The following CILK1 variants were observed in gnomAD, a reference collection of about 807,000 sequenced individuals.
CILK1 encodes ciliogenesis associated kinase 1.
CILK1 carries 47 observed loss-of-function variants against 79.2 expected under a neutral mutation model. The ratio of observed to expected loss-of-function variants is 0.59; its 90% CI spans 0.47 to 0.76. The LOEUF is 0.76. Ranked by LOEUF, CILK1 falls within the 30% of genes least tolerant of loss-of-function variation. The pLI, the probability that CILK1 is intolerant of heterozygous loss-of-function variation, is 0.00. For synonymous variants in CILK1, 266 were observed against 275.9 expected, an observed-to-expected ratio of 0.96 and a Z score of 0.36; for missense variants, 660 against 769.5, an observed-to-expected ratio of 0.86 and a Z score of 1.68.
intron 5 of CILK1, among the ~76,000 whole-genome samples, chr6:53,029,955 C>T (rs1190999322): frequency 6.6e-6 from 1 of 152,164 alleles, no homozygotes; most frequent in Non-Finnish European, 1.5e-5. Context: ...GTGGATACGT[C>T]CATCTGGTGG....
chr6:53,052,829 T>C (rs985628109), intron 1 of CILK1, among the ~76,000 whole-genome samples: 4 of 152,074 alleles, frequency 2.6e-5, no homozygotes, highest in Non-Finnish European at 5.9e-5. Context: ...CCTGGGGTCC[T>C]TAGCCCTTCA....
chr6:53,043,845 C>T (rs1368200008), intron 1 of CILK1, among the ~76,000 whole-genome samples: 2 of 95,790 alleles, frequency 2.1e-5, no homozygotes, highest in Non-Finnish European at 4.4e-5. Flanking sequence ...AAGGAGAAAG[C>T]CCTCTTGGTT....
chr6:53,018,432 G>A lies in CILK1; in HGVS notation c.561C>T (p.Gly187=). 28 of 1,614,142 alleles carry A rather than the reference G, an allele frequency of 1.7e-5. No homozygotes were observed. The highest frequency in any genetic ancestry group is 2.3e-5 in the Non-Finnish European group (27 of 1,179,994). ...GGGTGTAAACTTCTGCCATGATGCAGCCCACCGCCCAGACGTCAATGGGGG... is the reference window on the plus strand; with the variant it reads ...GGGTGTAAACTTCTGCCATGATGCAACCCACCGCCCAGACGTCAATGGGGG... ...YSSPIDVWAV[G]CIMAEVYTLR... The change falls in exon 7 of 14, where the codon GGC becomes GGT. Residue 187 remains glycine (G), a synonymous_variant. Coordinates refer to ENST00000676107, the MANE Select transcript of CILK1 (RefSeq NM_014920.5).
chr6:53,038,146 T>C (rs1215135503), intron 2 of CILK1, among the ~76,000 whole-genome samples, 153 bp from the exon 3 acceptor site: 1 of 152,220 alleles, frequency 6.6e-6, no homozygotes, highest in African/African-American at 2.4e-5. Context: ...AACCAGCACT[T>C]ATTTTCAAAC....
chr6:53,040,139 A>G (rs551223001), intron 2 of CILK1, among the ~76,000 whole-genome samples: 4 of 152,314 alleles, frequency 2.6e-5, no homozygotes, highest in East Asian at 1.9e-4. Flanking sequence ...TGACAAGTCA[A>G]CTGGATAGAG....
Position 53,013,684 on chromosome 6 carries a change from A to G in CILK1, c.1130T>C (p.Leu377Pro), listed in dbSNP as rs1055508135. 6.2e-7 allele frequency: 1 copy of G among 1,613,936 alleles called. No individual in the cohort carries two copies. The highest frequency in any genetic ancestry group is 1.3e-5 in the African/African-American group (1 of 74,910). Residue 377 changes from leucine (L) to proline (P), a missense_variant, in exon 9 of 14, where the codon CTC becomes CCC. Physicochemically the swap from Leu to Pro is moderately conservative, Grantham distance 98. Coordinates refer to ENST00000676107, the MANE Select transcript of CILK1 (RefSeq NM_014920.5). ...CACCGACTGTGGATGCTTGTTGTGG[A>G]GGGATGGGAAAAGCAACGGGCTTGG... ...DKPSPLLFPSLHNKHPQSKIT... is the reference protein window; with the variant it reads ...DKPSPLLFPSPHNKHPQSKIT...
chr6:53,031,590 G>A lies in CILK1; in HGVS notation c.279-446C>T, dbSNP rs530960524. On this transcript the variant is annotated intron_variant, in intron 4 of 13. Coordinates refer to ENST00000676107, the MANE Select transcript of CILK1 (RefSeq NM_014920.5). ...AAAATGTGCCCAAGAGGCTCCATAC[G>A]GTTCACCTTTGAAGTTCAAAATTAC... Among the ~76,000 whole-genome samples, 5 of 152,262 alleles carry A rather than the reference G, an allele frequency of 3.3e-5. No individual in the cohort carries two copies. The East Asian group carries it at 9.7e-4, about 29-fold the overall frequency.
intron 11 of CILK1, among the ~76,000 whole-genome samples, 160 bp from the exon 12 acceptor site, chr6:53,009,727 G>T (rs534922164): frequency 6.6e-6 from 1 of 152,202 alleles, no homozygotes; most frequent in African/African-American, 2.4e-5. Context: ...ACAGATGTCC[G>T]AGGAAAGATA....
intron 5 of CILK1, among the ~76,000 whole-genome samples, chr6:53,021,783 T>A (rs890406438): frequency 6.7e-6 from 1 of 149,530 alleles, no homozygotes; most frequent in South Asian, 2.1e-4. Context: ...AGAATTGTAC[T>A]CCTTCTACTT....
chr6:53,014,644 T>C (rs1344396652), intron 8 of CILK1, among the ~76,000 whole-genome samples: 2 of 152,222 alleles, frequency 1.3e-5, no homozygotes, highest in Non-Finnish European at 2.9e-5. Context: ...TCTTTCTGAG[T>C]AGGCCTGGGA....
At chr6:53,021,333 G>A (rs1305352769) in intron 5 of CILK1, among the ~76,000 whole-genome samples, 1 of 150,682 alleles carries the variant, frequency 6.6e-6, no homozygotes, top group East Asian at 2.0e-4. Context: ...TTGGAGCGGC[G>A]CGGGGGGGTT....
At chr6:53,021,503 C>T (rs552334119) in intron 5 of CILK1, among the ~76,000 whole-genome samples, 19 of 152,226 alleles carry the variant, frequency 1.2e-4, no homozygotes, top group Non-Finnish European at 1.5e-5. Flanking sequence ...CCACAAAAAC[C>T]ATCCATGACT....
At chr6:53,043,099 T>C (rs2127454661) in intron 1 of CILK1, among the ~76,000 whole-genome samples, 1 of 152,170 alleles carries the variant, frequency 6.6e-6, no homozygotes, top group African/African-American at 2.4e-5. Flanking sequence ...GTGGATCACC[T>C]AAGGTCAGGA....
At chr6:53,015,963 A>G (rs1764865249) in intron 8 of CILK1, 120 bp downstream of exon 8, 2 of 991,344 alleles carry the variant, frequency 2.0e-6, no homozygotes, top group South Asian at 1.3e-5. Flanking sequence ...ATAGTACACC[A>G]TTAGTGGTAT....
At chr6:53,030,291 T>A (rs1201916353) in intron 5 of CILK1, among the ~76,000 whole-genome samples, 1 of 152,194 alleles carries the variant, frequency 6.6e-6, no homozygotes, top group Non-Finnish European at 1.5e-5. Context: ...AAAACTGCCC[T>A]CTAAAACCCA....
At chr6:53,035,036 C>A (rs1460984234) in intron 3 of CILK1, among the ~76,000 whole-genome samples, 2 of 152,136 alleles carry the variant, frequency 1.3e-5, no homozygotes, top group African/African-American at 4.8e-5. Flanking sequence ...AAGACTTTGG[C>A]TGGAGAAGTG....
intron 1 of CILK1, among the ~76,000 whole-genome samples, chr6:53,055,678 C>T (rs890127188): frequency 2.0e-5 from 3 of 152,166 alleles, no homozygotes; most frequent in Admixed American, 2.0e-4. Context: ...AAGAACTCGT[C>T]CTGCACTAGG....
intron 8 of CILK1, among the ~76,000 whole-genome samples, chr6:53,015,076 C>T (rs1391233700): frequency 6.6e-6 from 1 of 152,188 alleles, no homozygotes; most frequent in African/African-American, 2.4e-5. Flanking sequence ...TGCTTTTCTA[C>T]ACTCCTTAAT....
At chr6:53,019,082 A>T in intron 6 of CILK1, 145 bp downstream of exon 6, 2 of 754,956 alleles carry the variant, frequency 2.6e-6, no homozygotes, top group African/African-American at 1.8e-5. Context: ...CTTGTACATT[A>T]CCAACATATC....
Sources: gnomAD v4.1 joint callset for allele counts (sites outside exome capture counted in the v4.1 genomes callset) on GRCh38, gnomAD v4.1.1 for gene constraint, MANE v1.5 for transcripts, NCBI Gene and HGNC (gene_info 2026-07-23, HGNC 2026-07-21) for gene names.